The following SLC39A11 variants were observed in gnomAD, a reference collection of about 807,000 sequenced individuals.
The protein encoded by SLC39A11 is solute carrier family 39 member 11, also known as zinc transporter ZIP11.
In SLC39A11, 33 loss-of-function variants were observed where a neutral mutation model predicts 36.1. The ratio of observed to expected loss-of-function variants is 0.91; its 90% CI spans 0.69 to 1.22. The LOEUF is 1.22. SLC39A11 is among the 50% of genes most tolerant of loss of function. The pLI, the probability that SLC39A11 is intolerant of heterozygous loss-of-function variation, is 0.00. For missense variants in SLC39A11, 432 were observed against 430.3 expected, an observed-to-expected ratio of 1.00 and a Z score of -0.03; for synonymous variants, 166 against 170.3, an observed-to-expected ratio of 0.97 and a Z score of 0.20.
chr17:72,809,672 T>C (rs1225135937), intron 6 of SLC39A11, among the ~76,000 whole-genome samples: 2 of 152,224 alleles, frequency 1.3e-5, no homozygotes, highest in African/African-American at 4.8e-5. Context: ...ATTTTAACGG[T>C]ATTTTAGGAA....
intron 7 of SLC39A11, among the ~76,000 whole-genome samples, chr17:72,714,705 T>C (rs771567303): frequency 6.6e-6 from 1 of 152,172 alleles, no homozygotes; most frequent in Non-Finnish European, 1.5e-5. Flanking sequence ...GCCTCCTTGG[T>C]AAAGACCAGA....
At chr17:72,790,408 G>A (rs1319532777) in intron 6 of SLC39A11, among the ~76,000 whole-genome samples, 1 of 152,212 alleles carries the variant, frequency 6.6e-6, no homozygotes, top group East Asian at 1.9e-4. Flanking sequence ...AAAGACACCA[G>A]ATGGTGGTTT....
intron 4 of SLC39A11, among the ~76,000 whole-genome samples, chr17:72,952,749 G>C (rs1385861392): frequency 1.3e-5 from 2 of 152,164 alleles, no homozygotes; most frequent in Non-Finnish European, 2.9e-5. Flanking sequence ...AGCCCTGCAA[G>C]GTCGGCAAAG....
intron 6 of SLC39A11, among the ~76,000 whole-genome samples, chr17:72,799,053 G>C (rs972616243): frequency 3.3e-5 from 5 of 151,270 alleles, no homozygotes; most frequent in Non-Finnish European, 7.4e-5. Flanking sequence ...ACTTGGACGT[G>C]AGTGTGTGTG....
intron 4 of SLC39A11, among the ~76,000 whole-genome samples, chr17:72,971,678 G>A (rs936824795): frequency 2.0e-5 from 3 of 152,150 alleles, no homozygotes; most frequent in Non-Finnish European, 2.9e-5. Context: ...GGGCCGGGCC[G>A]CCCCCCAGGA....
chr17:72,967,096 C>A (rs542713944), intron 4 of SLC39A11, among the ~76,000 whole-genome samples: 1 of 152,170 alleles, frequency 6.6e-6, no homozygotes, highest in Non-Finnish European at 1.5e-5. Context: ...GGAAAATGAG[C>A]TCAGGGCTCC....
chr17:72,855,622 T>C (rs62071213), intron 5 of SLC39A11, among the ~76,000 whole-genome samples: 19,961 of 151,964 alleles, frequency 0.13, 1,613 homozygotes, highest in East Asian at 0.22. Flanking sequence ...AGAGGCCGGG[T>C]GCGGTGGCTC....
chr17:73,018,560 T>C (rs373135975), intron 4 of SLC39A11, among the ~76,000 whole-genome samples: 36 of 151,020 alleles, frequency 2.4e-4, no homozygotes, highest in African/African-American at 8.7e-4. Flanking sequence ...AAAAAAACAA[T>C]AAAGTAAAAA....
intron 5 of SLC39A11, among the ~76,000 whole-genome samples, chr17:72,850,950 T>C (rs757035920): frequency 3.3e-4 from 50 of 152,100 alleles, no homozygotes; most frequent in Admixed American, 5.2e-4. Context: ...CCAGGGAGAA[T>C]TGGCCACTCC....
At chr17:73,041,669 A>T (rs1448504044) in intron 3 of SLC39A11, among the ~76,000 whole-genome samples, 1 of 152,256 alleles carries the variant, frequency 6.6e-6, no homozygotes, top group African/African-American at 2.4e-5. Flanking sequence ...CAATGCGAGT[A>T]AAGAATCCTA....
chr17:72,757,564 G>A (rs2075402485), intron 6 of SLC39A11, among the ~76,000 whole-genome samples: 2 of 152,058 alleles, frequency 1.3e-5, no homozygotes, highest in Admixed American at 1.3e-4. Flanking sequence ...AATGAAACCT[G>A]CCTTATGCCA....
intron 7 of SLC39A11, among the ~76,000 whole-genome samples, chr17:72,691,061 A>C (rs2072004856): frequency 6.6e-6 from 1 of 152,172 alleles, no homozygotes; most frequent in South Asian, 2.1e-4. Flanking sequence ...AGCTCAAAGG[A>C]ATGATTCCAT....
intron 3 of SLC39A11, among the ~76,000 whole-genome samples, chr17:73,063,836 A>G (rs1352323950): frequency 6.6e-6 from 1 of 152,196 alleles, no homozygotes; most frequent in Non-Finnish European, 1.5e-5. Flanking sequence ...GCATAATTAC[A>G]AAGTGTTCAG....
At chr17:72,680,617 T>A (rs545455016) in intron 7 of SLC39A11, among the ~76,000 whole-genome samples, 2 of 152,350 alleles carry the variant, frequency 1.3e-5, no homozygotes, top group African/African-American at 4.8e-5. Context: ...TGTGAGTCCA[T>A]TAAACCTCTT....
At chr17:72,913,374 G>A (rs953134889) in intron 5 of SLC39A11, among the ~76,000 whole-genome samples, 8 of 152,154 alleles carry the variant, frequency 5.3e-5, no homozygotes, top group Non-Finnish European at 1.0e-4. Context: ...AATTAATCCT[G>A]GAGAAAGGGA....
rs146859901 is a variant in SLC39A11 at position 72,962,817 on chromosome 17, G to A, written c.307-14942C>T. 4.3e-3 allele frequency among the ~76,000 whole-genome samples: 655 copies of A among 152,292 alleles called. 7 individuals are homozygous for A. The highest frequency in any genetic ancestry group is 0.014 in the African/African-American group (595 of 41,564). ...CTCCCAAAGTGCTGGGATTACAGGCGTGAGCCATCGGGCCCGGCCAGCCCT... is the reference window on the plus strand; with the variant it reads ...CTCCCAAAGTGCTGGGATTACAGGCATGAGCCATCGGGCCCGGCCAGCCCT... On this transcript the variant is annotated intron_variant, in intron 4 of 9. Coordinates refer to ENST00000255559, the MANE Select transcript of SLC39A11 (RefSeq NM_139177.4).
chr17:73,022,923 A>G (rs1213373627), intron 4 of SLC39A11, among the ~76,000 whole-genome samples: 2 of 151,198 alleles, frequency 1.3e-5, no homozygotes, highest in African/African-American at 2.4e-5. Context: ...TTCACAAAGA[A>G]AAAAAAAAAC....
intron 6 of SLC39A11, among the ~76,000 whole-genome samples, chr17:72,842,804 ACT>A (rs1260538588): frequency 2.0e-5 from 3 of 152,102 alleles, no homozygotes. Context: ...TGGTGTCTGC[ACT>A]CTGTTTCTGG....
intron 7 of SLC39A11, among the ~76,000 whole-genome samples, chr17:72,735,208 G>T (rs988881921): frequency 1.3e-5 from 2 of 152,204 alleles, no homozygotes; most frequent in African/African-American, 4.8e-5. Flanking sequence ...ACATATTCGG[G>T]GCTTCATGGA....
Sources: gnomAD v4.1 joint callset for allele counts (sites outside exome capture counted in the v4.1 genomes callset) on GRCh38, gnomAD v4.1.1 for gene constraint, MANE v1.5 for transcripts, NCBI Gene and HGNC (gene_info 2026-07-23, HGNC 2026-07-21) for gene names.